TPCN2: variants seen among roughly 807,000 people sequenced by gnomAD.
TPCN2 encodes the protein two pore segment channel 2, also known as two pore channel protein 2.
Under a neutral mutation model 111.4 loss-of-function variants are expected in TPCN2, and 92 were observed. That is an observed-to-expected ratio of 0.83 (90% CI 0.70 to 0.98). The LOEUF (loss-of-function observed/expected upper bound fraction) is 0.98. TPCN2 is among the 50% of genes least tolerant of loss of function. The pLI is 0.00. For synonymous variants in TPCN2, 405 were observed against 414.5 expected (o/e 0.98, Z 0.28); for missense variants, 995 against 980.1 (o/e 1.02, Z -0.20).
intron 7 of TPCN2, among the ~76,000 whole-genome samples, chr11:69,065,801 G>A (rs1855248767): frequency 6.6e-6 from 1 of 152,222 alleles, no homozygotes; most frequent in Non-Finnish European, 1.5e-5. Flanking sequence ...CCGTGATGGT[G>A]CTGTCCCATT....
intron 18 of TPCN2, 34 bp downstream of exon 18, chr11:69,081,533 C>T (rs561275779): frequency 1.4e-6 from 2 of 1,474,638 alleles, no homozygotes; most frequent in Non-Finnish European, 1.8e-6. Flanking sequence ...TCGCCCCACC[C>T]TCCTGGGTCA....
chr11:69,064,771 G>A (rs1212861867), intron 7 of TPCN2, among the ~76,000 whole-genome samples: 1 of 152,246 alleles, frequency 6.6e-6, no homozygotes, highest in Non-Finnish European at 1.5e-5. Context: ...ACCCAGGGCG[G>A]AAGCGGTCAT....
At chr11:69,057,523 C>T (rs1385545496) in intron 4 of TPCN2, 55 bp from the exon 5 acceptor site, 1 of 1,521,192 alleles carries the variant, frequency 6.6e-7, no homozygotes, top group East Asian at 2.2e-5. Flanking sequence ...CATTCTCTGG[C>T]TGCAGGGCCA....
At chr11:69,084,066 C>A in intron 19 of TPCN2, 50 bp downstream of exon 19, 1 of 1,583,964 alleles carries the variant, frequency 6.3e-7, no homozygotes, top group Non-Finnish European at 8.7e-7. Flanking sequence ...GAGTGGGAGG[C>A]TGGGAGGCTG....
Position 69,078,478 on chromosome 11 carries a change from C to T in TPCN2, c.1231-4C>T, listed in dbSNP as rs1855882146. On this transcript the variant is annotated splice_polypyrimidine_tract_variant and splice_region_variant and intron_variant, in intron 13 of 24. Transcript: ENST00000294309. ...GCTTCTGAGCACGTGTGTTCCTTGC[C>T]CAGCACCCGCCGAGGCCCGAGTACC... 1.2e-6 allele frequency: 2 copies of T among 1,613,974 alleles called. No homozygotes were observed. The highest frequency in any genetic ancestry group is 2.2e-5 in the East Asian group (1 of 44,866).
rs1183606295 is a variant in TPCN2, at chr11:69,078,922, C to T, written c.1441C>T (p.Leu481=). The change falls in exon 16 of 25, where the codon CTG becomes TTG. Residue 481 remains leucine (L), a synonymous_variant. Transcript: ENST00000294309. ...CAACTGCGTCTTCATTGTGTACTAC[C>T]TGTTGGAGATGCTGCTCAAGGTCTT... ...ILNCVFIVYY[L]LEMLLKVFAL... The T allele has an allele frequency of 1.9e-6, 3 of 1,614,032 alleles. No homozygotes were observed. The highest frequency in any genetic ancestry group is 2.5e-6 in the Non-Finnish European group (3 of 1,180,016).
Position 69,081,430 on chromosome 11 carries a change from G to A in TPCN2, c.1620G>A (p.Leu540=). ...WRPEMVGLLS[L]WDMTRMLNML... is the part of the protein sequence containing the mutation. Reference sequence around the variant, plus strand: ...CGGAGATGGTGGGCCTGCTGTCGCTGTGGGACATGACCCGCATGCTGAACA... The same window carrying A: ...CGGAGATGGTGGGCCTGCTGTCGCTATGGGACATGACCCGCATGCTGAACA... The change falls in exon 18 of 25, where the codon CTG becomes CTA. Residue 540 remains leucine, a synonymous_variant. Coordinates refer to ENST00000294309, the MANE Select transcript of TPCN2 (RefSeq NM_139075.4). 6.4e-7 allele frequency: 1 copy of A among 1,566,178 alleles called. No individual in the cohort carries two copies. Among genetic ancestry groups the A allele is most frequent in the African/African-American group, 1.4e-5 (1 of 74,070 alleles).
At chr11:69,065,089 GTC>G (rs1197778255) in intron 7 of TPCN2, among the ~76,000 whole-genome samples, 6 of 151,830 alleles carry the variant, frequency 4.0e-5, no homozygotes, top group African/African-American at 1.2e-4. Context: ...GTGTCTGTAT[GTC>G]TCTGCGTGCG....
rs562646052 is a variant in TPCN2, at chr11:69,078,283, T to C, written c.1231-199T>C. 3.3e-5 allele frequency among the ~76,000 whole-genome samples: 5 copies of C among 152,270 alleles called. No individual in the cohort carries two copies. The East Asian group carries it at 9.6e-4, about 29-fold the overall frequency. ...AGTTGCTTCTATTTCTCTTTGGGTG[T>C]TACAAAGACCACTGAGATGAACACC... On this transcript the variant is annotated intron_variant, in intron 13 of 24. Transcript: ENST00000294309.
intron 13 of TPCN2, among the ~76,000 whole-genome samples, chr11:69,073,399 A>G (rs7924843): frequency 0.017 from 2,558 of 152,324 alleles, 76 homozygotes; most frequent in African/African-American, 0.059. Context: ...CTCTGTGTCC[A>G]GAAGGCCTGG....
At chr11:69,057,364 T>G (rs1039263858) in intron 4 of TPCN2, among the ~76,000 whole-genome samples, 2 of 152,232 alleles carry the variant, frequency 1.3e-5, no homozygotes, top group African/African-American at 4.8e-5. Flanking sequence ...GCCAGAGAGC[T>G]TTGGTGCTGC....
At chr11:69,079,347 G>C (rs1245595591) in intron 16 of TPCN2, 2 of 379,050 alleles carry the variant, frequency 5.3e-6, no homozygotes, top group Non-Finnish European at 9.6e-6. Context: ...GTCACTGATA[G>C]ACGGTGTGAC....
At chr11:69,085,557 C>A in intron 20 of TPCN2, 114 bp from the exon 21 acceptor site, 1 of 790,988 alleles carries the variant, frequency 1.3e-6, no homozygotes. Context: ...CCTCTGTATC[C>A]CAATTTGTAC....
At chr11:69,053,980 G>A (rs1854631316) in intron 1 of TPCN2, 53 bp from the exon 2 acceptor site, 3 of 1,478,422 alleles carry the variant, frequency 2.0e-6, no homozygotes, top group Non-Finnish European at 2.8e-6. Flanking sequence ...TATCCTGGAG[G>A]GTGAGGCCAT....
At chr11:69,054,173 C>G in intron 2 of TPCN2, 76 bp downstream of exon 2, 6 of 1,240,992 alleles carry the variant, frequency 4.8e-6, no homozygotes, top group African/African-American at 1.5e-5. Flanking sequence ...CCAGGGGCGA[C>G]TGACTGGGTC....
chr11:69,079,847 C>T lies in TPCN2; in HGVS notation c.1553C>T (p.Ser518Leu). The change falls in exon 17 of 25, where the codon TCA becomes TTA. Residue 518 changes from serine (S) to leucine (L), a missense_variant. Transcript: ENST00000294309. The stretch of plus-strand genomic sequence containing the variant: ...TTGTAATTAAAGGTTTTGGAGATCT[C>T]AACTCTGGCTGTGTACCGATTGCCA... ...LTVVLLVLEI[S>L]TLAVYRLPHP... 1 of 1,613,766 alleles carries T rather than the reference C, an allele frequency of 6.2e-7. No homozygotes were observed. The highest frequency in any genetic ancestry group is 1.1e-5 in the South Asian group (1 of 91,018).
chr11:69,064,863 G>A (rs1437141806), intron 7 of TPCN2, among the ~76,000 whole-genome samples: 2 of 151,660 alleles, frequency 1.3e-5, no homozygotes, highest in African/African-American at 4.9e-5. Flanking sequence ...GGTGTATGGT[G>A]TTTATGTCTG....
At chr11:69,078,378 G>C (rs1251738413) in intron 13 of TPCN2, 104 bp from the exon 14 acceptor site, 1 of 1,438,178 alleles carries the variant, frequency 7.0e-7, no homozygotes, top group Non-Finnish European at 9.4e-7. Flanking sequence ...GGGAGATGGG[G>C]TAGGAAAAAA....
chr11:69,075,741 G>A (rs1855724091), intron 13 of TPCN2, among the ~76,000 whole-genome samples: 1 of 152,232 alleles, frequency 6.6e-6, no homozygotes, highest in Non-Finnish European at 1.5e-5. Flanking sequence ...TGGCCAGGGA[G>A]TCGGTTGGTG....
Sources: allele counts gnomAD v4.1 joint callset (sites outside exome capture counted in the v4.1 genomes callset), GRCh38; gene constraint gnomAD v4.1.1; transcripts MANE v1.5; gene names NCBI Gene and HGNC (gene_info 2026-07-23, HGNC 2026-07-21).